Variants in BAZ2B observed in about 807,000 individuals in gnomAD.
BAZ2B encodes the protein bromodomain adjacent to zinc finger domain protein 2B.
BAZ2B carries 91 observed loss-of-function variants against 246.0 expected under a neutral mutation model. The observed-to-expected ratio is 0.37, with a 90% CI of 0.31 to 0.44. The LOEUF is 0.44. Ranked by LOEUF, BAZ2B falls within the 20% of genes least tolerant of loss-of-function variation. BAZ2B has a pLI of 1.00. For synonymous variants in BAZ2B, 855 were observed against 860.0 expected (o/e 0.99, Z 0.10); for missense variants, 2,332 against 2,533.7 (o/e 0.92, Z 1.71).
intron 1 of BAZ2B, among the ~76,000 whole-genome samples, chr2:159,613,982 G>A (rs558375705): frequency 6.6e-6 from 1 of 152,230 alleles, no homozygotes; most frequent in African/African-American, 2.4e-5. Context: ...ATTCAGAATT[G>A]TTTCTATTAG....
At chr2:159,529,148 TA>T (rs926645783) in intron 2 of BAZ2B, among the ~76,000 whole-genome samples, 5 of 152,006 alleles carry the variant, frequency 3.3e-5, no homozygotes, top group Non-Finnish European at 5.9e-5. Flanking sequence ...AAAAAATAAA[TA>T]AAACAAAACC....
intron 3 of BAZ2B, among the ~76,000 whole-genome samples, chr2:159,466,815 C>T (rs937209027): frequency 6.6e-6 from 1 of 152,150 alleles, no homozygotes; most frequent in African/African-American, 2.4e-5. Context: ...TCCCCTCTTC[C>T]TCCATTTTTT....
At chr2:159,502,785 A>T (rs187595856) in intron 2 of BAZ2B, among the ~76,000 whole-genome samples, 71 of 152,314 alleles carry the variant, frequency 4.7e-4, no homozygotes, top group Non-Finnish European at 8.2e-4. Flanking sequence ...ATGATTTTTC[A>T]TGTGCTATAA....
At chr2:159,381,177 T>A (rs988191255) in intron 25 of BAZ2B, among the ~76,000 whole-genome samples, 1 of 152,162 alleles carries the variant, frequency 6.6e-6, no homozygotes, top group African/African-American at 2.4e-5. Flanking sequence ...CTCATGATTT[T>A]AAATTATCAT....
chr2:159,350,183 G>C lies in BAZ2B; in HGVS notation c.4388C>G (p.Pro1463Arg), dbSNP rs1233399770. ...CTTGCTTAATTTGGAAAAAGAGCCA[G>C]GTTTCTGAAGGAATAGATTTGTGTT... The part of the protein sequence containing the change: ...KDNTNLFLQK[P>R]GSFSKLSKLL... Residue 1463 changes from proline (P) to arginine (R), a missense_variant, in exon 28 of 37, where the codon CCT becomes CGT. Pro to Arg is a moderately radical substitution (Grantham distance 103). Around this residue, in one of 9 missense-constraint regions of BAZ2B, gnomAD observed 676 missense variants for 668.6 expected, o/e 1.01. Coordinates refer to ENST00000392783, the MANE Select transcript of BAZ2B (RefSeq NM_013450.4). 7 of 1,613,926 alleles carry C rather than the reference G, an allele frequency of 4.3e-6. No individual in the cohort carries two copies. The highest frequency in any genetic ancestry group is 4.0e-5 in the African/African-American group (3 of 74,914).
At chr2:159,511,127 T>C (rs2082875966) in intron 2 of BAZ2B, among the ~76,000 whole-genome samples, 1 of 152,206 alleles carries the variant, frequency 6.6e-6, no homozygotes, top group Non-Finnish European at 1.5e-5. Flanking sequence ...CTTGCACAAA[T>C]ACATCAAATT....
chr2:159,560,315 A>C (rs996616326), intron 1 of BAZ2B, among the ~76,000 whole-genome samples: 2 of 152,190 alleles, frequency 1.3e-5, no homozygotes, highest in Admixed American at 6.5e-5. Flanking sequence ...CAAAATATTT[A>C]ATCATTCATT....
At chr2:159,581,741 C>T (rs2151635941) in intron 1 of BAZ2B, among the ~76,000 whole-genome samples, 1 of 151,982 alleles carries the variant, frequency 6.6e-6, no homozygotes, top group East Asian at 1.9e-4. Flanking sequence ...ACTATGCAGC[C>T]ATAAAAAAGG....
At chr2:159,435,307 G>C (rs1035594661) in intron 8 of BAZ2B, 5 of 150,752 alleles carry the variant, frequency 3.3e-5, no homozygotes, top group Non-Finnish European at 7.4e-5. Flanking sequence ...AGATTCCTGA[G>C]TAGCTGAGAC....
At chr2:159,353,002 A>T (rs1292080094) in intron 27 of BAZ2B, among the ~76,000 whole-genome samples, 3 of 152,190 alleles carry the variant, frequency 2.0e-5, no homozygotes, top group Non-Finnish European at 2.9e-5. Flanking sequence ...GTGCTCAATA[A>T]ATATTCCTTG....
At chr2:159,543,862 C>T (rs1445925268) in intron 2 of BAZ2B, among the ~76,000 whole-genome samples, 1 of 152,170 alleles carries the variant, frequency 6.6e-6, no homozygotes, top group Non-Finnish European at 1.5e-5. Context: ...AACACTCAGT[C>T]GATGTACACA....
At chr2:159,535,959 T>C (rs906546836) in intron 2 of BAZ2B, among the ~76,000 whole-genome samples, 1 of 152,222 alleles carries the variant, frequency 6.6e-6, no homozygotes, top group African/African-American at 2.4e-5. Flanking sequence ...CAAGTTCTCA[T>C]ACATTAATGC....
chr2:159,374,666 A>G lies in BAZ2B; in HGVS notation c.4068+25T>C, dbSNP rs372800925. 3.2e-6 allele frequency: 5 copies of G among 1,586,396 alleles called. No homozygotes were observed. The African/African-American group carries it at 6.7e-5, about 21-fold the overall frequency. On this transcript the variant is annotated intron_variant, in intron 26 of 36. Coordinates refer to ENST00000392783, the MANE Select transcript of BAZ2B (RefSeq NM_013450.4). ...ATTTCTAAAACACTGTGAAGAAGTT[A>G]AATGTTAATCAGAAAAGTGCTTACT...
intron 1 of BAZ2B, among the ~76,000 whole-genome samples, chr2:159,611,502 C>T (rs1694713856): frequency 1.3e-5 from 2 of 151,758 alleles, no homozygotes; most frequent in South Asian, 4.2e-4. Context: ...AATGTACAAC[C>T]TATTTAAAAG....
chr2:159,490,605 C>T (rs576585132), intron 2 of BAZ2B, among the ~76,000 whole-genome samples: 2 of 152,288 alleles, frequency 1.3e-5, no homozygotes, highest in African/African-American at 4.8e-5. Flanking sequence ...ACTGCAGCCT[C>T]GATCTTCCCT....
chr2:159,615,294 G>C lies in BAZ2B; in HGVS notation c.-46+948C>G, dbSNP rs923399339. 1.3e-5 allele frequency: 2 copies of C among 150,646 alleles called. 1 individual carries two copies. The highest frequency in any genetic ancestry group is 1.3e-4 in the Admixed American group (2 of 15,146). The allele number at this position is 150,646 out of a possible 1,614,324, so 9.3% of individuals were successfully genotyped here. Reference sequence around the variant, plus strand: ...CGAAAGAGAACGGGGGCTGGGGGGAGGGGTAGCGACAAGAAGATTAAAAGA... The same window carrying C: ...CGAAAGAGAACGGGGGCTGGGGGGACGGGTAGCGACAAGAAGATTAAAAGA... On this transcript the variant is annotated intron_variant, in intron 1 of 36. Coordinates refer to ENST00000392783, the MANE Select transcript of BAZ2B (RefSeq NM_013450.4).
chr2:159,422,750 C>T (rs1363563431), intron 13 of BAZ2B, among the ~76,000 whole-genome samples: 1 of 152,038 alleles, frequency 6.6e-6, no homozygotes, highest in Admixed American at 6.6e-5. Flanking sequence ...AGCTTCTGTA[C>T]AGCAAAAGAA....
the BAZ2B span, among the ~76,000 whole-genome samples, chr2:159,633,507 A>G: frequency 1.3e-5 from 2 of 152,292 alleles, no homozygotes; most frequent in Admixed American, 6.5e-5. Context: ...ATTAAAATTC[A>G]TAATAGTTTA....
At chr2:159,669,035 A>C in the BAZ2B span, among the ~76,000 whole-genome samples, 2 of 151,074 alleles carry the variant, frequency 1.3e-5, no homozygotes, top group African/African-American at 4.9e-5. Flanking sequence ...CAGTCTGGGC[A>C]ACACAGCAAG....
Sources: allele counts gnomAD v4.1 joint callset (sites outside exome capture counted in the v4.1 genomes callset), GRCh38; gene constraint gnomAD v4.1.1; regional missense constraint gnomAD v4.1.1; transcripts MANE v1.5; gene names NCBI Gene and HGNC (gene_info 2026-07-23, HGNC 2026-07-21).